The following PLEKHA5 variants were observed in gnomAD, a reference collection of about 807,000 sequenced individuals.
PLEKHA5 encodes the protein pleckstrin homology domain-containing family A member 5.
PLEKHA5 carries 55 observed loss-of-function variants against 181.9 expected under a neutral mutation model. The ratio of observed to expected loss-of-function variants is 0.30; its 90% CI spans 0.24 to 0.38. PLEKHA5 has a LOEUF of 0.38. PLEKHA5 is among the 10% of genes least tolerant of loss of function. PLEKHA5 has a pLI of 1.00. For missense variants in PLEKHA5, 1,432 were observed against 1,549.5 expected (o/e 0.92, Z 1.27); for synonymous variants, 535 against 529.4 (o/e 1.01, Z -0.15).
chr12:19,302,906 A>ATTTTTTTTTTTTTTTTTT (rs34702332), intron 15 of PLEKHA5, among the ~76,000 whole-genome samples: 2 of 53,992 alleles, frequency 3.7e-5, no homozygotes, highest in African/African-American at 1.5e-4. Flanking sequence ...TCTGTATGAA[A>ATTTTTTTTTTTTTTTTTT]TTTTTTTTTT....
At chr12:19,347,882 CTT>C (rs527719770) in intron 24 of PLEKHA5, among the ~76,000 whole-genome samples, 10,756 of 119,516 alleles carry the variant, frequency 0.09, 306 homozygotes, top group African/African-American at 0.15. Context: ...CAGAAATATT[CTT>C]TTTTTTTTTT....
At chr12:19,293,728 A>C (rs2079054271) in intron 15 of PLEKHA5, among the ~76,000 whole-genome samples, 1 of 152,186 alleles carries the variant, frequency 6.6e-6, no homozygotes, top group Non-Finnish European at 1.5e-5. Context: ...ACTTCAGAAA[A>C]TTTTAGAAAA....
intron 3 of PLEKHA5, among the ~76,000 whole-genome samples, chr12:19,184,054 G>A (rs889275714): frequency 3.3e-5 from 5 of 152,154 alleles, no homozygotes; most frequent in Non-Finnish European, 7.4e-5. Context: ...CAGAAACCAC[G>A]TCTGGTGCCT....
At chr12:19,245,005 G>A (rs2152476813) in intron 3 of PLEKHA5, among the ~76,000 whole-genome samples, 1 of 152,160 alleles carries the variant, frequency 6.6e-6, no homozygotes, top group Admixed American at 6.5e-5. Context: ...AAAAACACAT[G>A]CTCCCACAAG....
At chr12:19,291,522 G>A in intron 14 of PLEKHA5, 122 bp from the exon 15 acceptor site, 1 of 579,478 alleles carries the variant, frequency 1.7e-6, no homozygotes, top group Admixed American at 3.3e-5. Flanking sequence ...CGTGAAAGTT[G>A]TCGTGTACTG....
intron 10 of PLEKHA5, 111 bp from the exon 11 acceptor site, chr12:19,274,405 C>A: frequency 1.5e-6 from 1 of 687,126 alleles, no homozygotes; most frequent in Non-Finnish European, 2.4e-6. Flanking sequence ...TGACCCTTTC[C>A]AGTCCCCTGG....
At chr12:19,262,462 C>T (rs193137458) in intron 7 of PLEKHA5, among the ~76,000 whole-genome samples, 8 of 152,240 alleles carry the variant, frequency 5.3e-5, no homozygotes, top group Non-Finnish European at 7.4e-5. Flanking sequence ...TGGTCTCAAA[C>T]TCCTGACCTT....
At chr12:19,249,225 ACAGCATGC>A (rs1395438298) in intron 3 of PLEKHA5, among the ~76,000 whole-genome samples, 1 of 152,192 alleles carries the variant, frequency 6.6e-6, no homozygotes, top group Non-Finnish European at 1.5e-5. Context: ...TAAAAGTGTA[ACAGCATGC>A]CAGCATCACT....
chr12:19,295,102 G>A (rs1222667706), intron 15 of PLEKHA5, among the ~76,000 whole-genome samples: 2 of 152,102 alleles, frequency 1.3e-5, no homozygotes, highest in Non-Finnish European at 2.9e-5. Context: ...AGATAGCATA[G>A]GCCCAAAGTA....
intron 31 of PLEKHA5, chr12:19,371,778 G>A (rs954791200): frequency 4.6e-5 from 7 of 152,184 alleles, no homozygotes; most frequent in African/African-American, 7.2e-5. Context: ...ACATGCATGT[G>A]CATGTATCTT....
chr12:19,312,691 C>T (rs2086995531), intron 15 of PLEKHA5, among the ~76,000 whole-genome samples: 1 of 152,190 alleles, frequency 6.6e-6, no homozygotes, highest in South Asian at 2.1e-4. Context: ...TTGATCTTCT[C>T]TTCAGACCAC....
At chr12:19,243,941 G>T (rs2063151747) in intron 3 of PLEKHA5, among the ~76,000 whole-genome samples, 1 of 152,062 alleles carries the variant, frequency 6.6e-6, no homozygotes, top group Admixed American at 6.6e-5. Flanking sequence ...CGTATTTTCA[G>T]TTTAAAAATA....
In PLEKHA5 at chr12:19,130,084, C is replaced by G. The variant is rs749695080; in HGVS notation, c.123C>G (p.Pro41=). 1 of 1,590,530 alleles carries G rather than the reference C, an allele frequency of 6.3e-7. No homozygotes were observed. The highest frequency in any genetic ancestry group is 8.5e-7 in the Non-Finnish European group (1 of 1,170,052). The change falls in exon 2 of 32, where the codon CCC becomes CCG. Residue 41 remains proline, a synonymous_variant. Coordinates refer to ENST00000429027, the MANE Select transcript of PLEKHA5 (RefSeq NM_001256470.2). This position sits in a 1 kb window ranked among gnomAD's most constrained non-coding sequence, Gnocchi z 4.5. The stretch of plus-strand genomic sequence containing the variant: ...CCAAGAGCACCACCTGGCTGCACCC[C>G]GTCACCGGCGAGGCGGTGGTCACCG... ...EEAKSTTWLH[P]VTGEAVVTGH...
intron 15 of PLEKHA5, among the ~76,000 whole-genome samples, chr12:19,295,240 G>A (rs2079460594): frequency 6.6e-6 from 1 of 152,190 alleles, no homozygotes; most frequent in African/African-American, 2.4e-5. Context: ...AGTTGTTGCT[G>A]AATATTGGAG....
intron 3 of PLEKHA5, among the ~76,000 whole-genome samples, chr12:19,172,291 G>A (rs1278307014): frequency 1.3e-5 from 2 of 152,094 alleles, no homozygotes; most frequent in Non-Finnish European, 2.9e-5. Context: ...GAATTTGTCC[G>A]CCCCATTATA....
intron 15 of PLEKHA5, among the ~76,000 whole-genome samples, chr12:19,305,013 A>T (rs981325657): frequency 5.2e-4 from 79 of 152,298 alleles, no homozygotes; most frequent in African/African-American, 1.8e-3. Context: ...TCTTGGTGCT[A>T]CCTTTTTTCA....
At chr12:19,233,515 C>T (rs929851111) in intron 3 of PLEKHA5, among the ~76,000 whole-genome samples, 6 of 152,022 alleles carry the variant, frequency 3.9e-5, no homozygotes, top group East Asian at 3.9e-4. Context: ...TACCAATTTA[C>T]GGTATTCAGA....
chr12:19,274,866 A>G lies in PLEKHA5; in HGVS notation c.1196A>G (p.Asn399Ser), dbSNP rs757580297. The G allele has an allele frequency of 1.8e-5, 29 of 1,613,978 alleles. No homozygotes were observed. The highest frequency in any genetic ancestry group is 2.3e-5 in the Non-Finnish European group (27 of 1,180,012). The change falls in exon 11 of 32, where the codon AAT (asparagine) becomes AGT (serine). Residue 399 changes from asparagine to serine, a missense_variant. Coordinates refer to ENST00000429027, the MANE Select transcript of PLEKHA5 (RefSeq NM_001256470.2). ...GATCTTAGAGGTGGAAATCGCCCCA[A>G]TACAGGGCCCTTATACACAGAGGCC... Reference protein sequence around the residue: ...LADLRGGNRPNTGPLYTEADR... With the variant: ...LADLRGGNRPSTGPLYTEADR...
intron 3 of PLEKHA5, among the ~76,000 whole-genome samples, chr12:19,248,828 T>G (rs1349482054): frequency 6.6e-6 from 1 of 152,138 alleles, no homozygotes; most frequent in Non-Finnish European, 1.5e-5. Context: ...ACTGTATGGG[T>G]AGGCACGAAG....
Sources: allele counts gnomAD v4.1 joint callset (sites outside exome capture counted in the v4.1 genomes callset), GRCh38; gene constraint gnomAD v4.1.1; non-coding constraint Gnocchi (gnomAD v3.1); transcripts MANE v1.5; gene names NCBI Gene and HGNC (gene_info 2026-07-23, HGNC 2026-07-21).